Variants in DYM observed in about 807,000 individuals in gnomAD.
The protein encoded by DYM is dymeclin.
DYM carries 78 observed loss-of-function variants against 93.1 expected under a neutral mutation model. The ratio of observed to expected loss-of-function variants is 0.84; its 90% CI spans 0.70 to 1.01. The LOEUF is 1.01. DYM is among the 50% of genes least tolerant of loss of function. The pLI is 0.00. For missense variants in DYM, 789 were observed against 845.0 expected, an observed-to-expected ratio of 0.93 and a Z score of 0.82; for synonymous variants, 321 against 319.7, an observed-to-expected ratio of 1.00 and a Z score of -0.04.
At chr18:49,317,017 G>A (rs1157723743) in intron 8 of DYM, among the ~76,000 whole-genome samples, 1 of 152,128 alleles carries the variant, frequency 6.6e-6, no homozygotes. Flanking sequence ...TAAACCCTGA[G>A]TACTGTACAA....
At chr18:49,268,842 G>C (rs2094619092) in intron 11 of DYM, among the ~76,000 whole-genome samples, 1 of 151,952 alleles carries the variant, frequency 6.6e-6, no homozygotes, top group Non-Finnish European at 1.5e-5. Context: ...TTAAAAAGTT[G>C]ATTACATCAG....
chr18:49,121,029 G>A (rs1192434344), intron 15 of DYM, among the ~76,000 whole-genome samples: 1 of 152,018 alleles, frequency 6.6e-6, no homozygotes, highest in Non-Finnish European at 1.5e-5. Context: ...TGAAATGTAT[G>A]AAACACACAA....
chr18:49,296,565 G>T (rs1262740101), intron 8 of DYM, among the ~76,000 whole-genome samples: 3 of 151,926 alleles, frequency 2.0e-5, no homozygotes, highest in Non-Finnish European at 4.4e-5. Context: ...TTGTCGGGGG[G>T]AATAAGAAAA....
At chr18:49,387,846 T>C (rs955724988) in intron 3 of DYM, among the ~76,000 whole-genome samples, 5 of 152,162 alleles carry the variant, frequency 3.3e-5, no homozygotes, top group Non-Finnish European at 7.3e-5. Context: ...GGTATACCTG[T>C]ACCAATGTTG....
At chr18:49,063,203 T>C (rs1171125389) in intron 17 of DYM, among the ~76,000 whole-genome samples, 2 of 152,186 alleles carry the variant, frequency 1.3e-5, no homozygotes, top group African/African-American at 4.8e-5. Flanking sequence ...TCTGCCCAAT[T>C]TCCCACACCT....
chr18:49,212,154 A>T (rs1234029953), intron 13 of DYM, among the ~76,000 whole-genome samples: 3 of 151,846 alleles, frequency 2.0e-5, no homozygotes, highest in Non-Finnish European at 4.4e-5. Context: ...TAAAGGCCAT[A>T]AAAGACAAAG....
intron 6 of DYM, among the ~76,000 whole-genome samples, chr18:49,343,499 C>T (rs2064327552): frequency 6.6e-6 from 1 of 152,196 alleles, no homozygotes. Flanking sequence ...CATCACATTA[C>T]TATTTCTTTC....
chr18:49,292,364 A>G (rs1255162976), intron 8 of DYM, among the ~76,000 whole-genome samples: 1 of 110,988 alleles, frequency 9.0e-6, no homozygotes, highest in Non-Finnish European at 2.0e-5. Flanking sequence ...AGACACACAC[A>G]CACACACACA....
intron 8 of DYM, among the ~76,000 whole-genome samples, chr18:49,309,269 C>T (rs1475876261): frequency 6.6e-6 from 1 of 152,100 alleles, no homozygotes; most frequent in Non-Finnish European, 1.5e-5. Context: ...TATGCTTACG[C>T]TATGGATTTT....
At chr18:49,370,046 A>C (rs1047848961) in intron 5 of DYM, among the ~76,000 whole-genome samples, 8 of 152,026 alleles carry the variant, frequency 5.3e-5, no homozygotes, top group Admixed American at 2.6e-4. Flanking sequence ...GGAGGCCGAG[A>C]TGGGCGGACC....
At chr18:49,381,425 C>T (rs1302252426) in intron 3 of DYM, among the ~76,000 whole-genome samples, 1 of 152,240 alleles carries the variant, frequency 6.6e-6, no homozygotes, top group East Asian at 1.9e-4. Flanking sequence ...ATTCAAGTAA[C>T]TGCCTAACTT....
Position 49,455,790 on chromosome 18 carries a change from A to T in DYM, c.-54+4608T>A, listed in dbSNP as rs370067653. Among the ~76,000 whole-genome samples, 67 of 152,228 alleles carry T rather than the reference A, an allele frequency of 4.4e-4. 1 individual carries two copies. The South Asian group carries it at 0.013, about 31-fold the overall frequency. ...AAATGGTGAAAACTCTACTAAAAAC[A>T]GTACAAAAATTAGCCGGGCATGGTG... On this transcript the variant is annotated intron_variant, in intron 1 of 17. Transcript: ENST00000675505.
At chr18:49,100,532 A>C (rs979667040) in intron 16 of DYM, among the ~76,000 whole-genome samples, 6 of 152,178 alleles carry the variant, frequency 3.9e-5, no homozygotes, top group African/African-American at 1.4e-4. Context: ...GTTTCCAACT[A>C]AATTCCTTTT....
rs2070872085 is a variant in DYM, at chr18:49,040,553, C to A, written c.*3502G>T. On this transcript the variant is annotated 3_prime_UTR_variant, in exon 18 of 18. Coordinates refer to ENST00000675505, the MANE Select transcript of DYM (RefSeq NM_001353214.3). ...TTAGCTCTTCATCACTGAATAGAAA[C>A]TGACCTCTTTGACTCCAGGAGGTGA... is the stretch of plus-strand genomic sequence containing the variant. Among the ~76,000 whole-genome samples, 1 of 152,200 alleles carries A rather than the reference C, an allele frequency of 6.6e-6. No individual in the cohort carries two copies. Among genetic ancestry groups the A allele is most frequent in the African/African-American group, 2.4e-5 (1 of 41,448 alleles).
intron 14 of DYM, among the ~76,000 whole-genome samples, chr18:49,187,264 G>T (rs2090538231): frequency 6.6e-6 from 1 of 152,100 alleles, no homozygotes; most frequent in South Asian, 2.1e-4. Context: ...AATCTCATGG[G>T]GAAAATGGGT....
chr18:49,061,356 A>G (rs1367663239), intron 17 of DYM, among the ~76,000 whole-genome samples: 1 of 152,154 alleles, frequency 6.6e-6, no homozygotes, highest in Non-Finnish European at 1.5e-5. Context: ...GGAATAATAG[A>G]AGCACAGACA....
rs1284406656 is a variant in DYM at position 49,037,625 on chromosome 18, A to G, written c.*6430T>C. 6.6e-6 allele frequency among the ~76,000 whole-genome samples: 1 copy of G among 152,110 alleles called. No homozygotes were observed. The highest frequency in any genetic ancestry group is 1.5e-5 in the Non-Finnish European group (1 of 68,020). On this transcript the variant is annotated 3_prime_UTR_variant, in exon 18 of 18. Coordinates refer to ENST00000675505, the MANE Select transcript of DYM (RefSeq NM_001353214.3). ...AAGCATAGTTTTATTTGCATCCCAC[A>G]AGTTTTTTCTCTGTTTTGATATGTA...
chr18:49,321,789 T>C (rs1053493213), intron 8 of DYM, among the ~76,000 whole-genome samples: 1 of 152,128 alleles, frequency 6.6e-6, no homozygotes, highest in Non-Finnish European at 1.5e-5. Context: ...TGTGAGCACG[T>C]AAAATCTCTC....
At chr18:49,364,218 G>A (rs2066302307) in intron 5 of DYM, among the ~76,000 whole-genome samples, 1 of 152,274 alleles carries the variant, frequency 6.6e-6, no homozygotes, top group African/African-American at 2.4e-5. Context: ...GCCAAGGCAG[G>A]CAGATCACCT....
Sources: allele counts gnomAD v4.1 joint callset (sites outside exome capture counted in the v4.1 genomes callset), GRCh38; gene constraint gnomAD v4.1.1; transcripts MANE v1.5; gene names NCBI Gene and HGNC (gene_info 2026-07-23, HGNC 2026-07-21).